Variants in STRADB observed in about 807,000 individuals in gnomAD.
The protein encoded by STRADB is STE20 related adaptor beta, also known as STE20-related kinase adapter protein beta.
A neutral mutation model predicts 52.1 loss-of-function variants in STRADB; 34 were observed. That is an observed-to-expected ratio of 0.65 (90% CI 0.50 to 0.87). The LOEUF is 0.87. Ranked by LOEUF, STRADB falls within the 40% of genes least tolerant of loss-of-function variation. The probability of loss-of-function intolerance (pLI) is 0.00; values close to 1 mark genes in which losing one functional copy is unlikely to be tolerated. For synonymous variants in STRADB, 133 were observed against 174.5 expected (o/e 0.76, Z 1.87); for missense variants, 340 against 483.9 (o/e 0.70, Z 2.79).
intron 5 of STRADB, 93 bp from the exon 6 acceptor site, chr2:201,474,554 C>A: frequency 2.1e-6 from 2 of 968,298 alleles, no homozygotes; most frequent in Non-Finnish European, 1.6e-6. Context: ...CACTAATAAG[C>A]ACCCTTGAGT....
At position 201,480,163 on chromosome 2, in the gene STRADB, C is replaced by A. The variant is rs146098224; in HGVS notation, c.1245C>A (p.Tyr415Ter). The change falls in exon 12 of 12, where the codon TAC becomes TAA. Residue 415 changes from tyrosine (Y) to a stop codon, truncating the protein, a stop_gained. Coordinates refer to ENST00000194530, the MANE Select transcript of STRADB (RefSeq NM_018571.6). LOFTEE classifies it high-confidence loss of function. ...ATTTTCCTGATGAAAAAGACTCATA[C>A]TGGGAATTCTAGGGCTGCCAAATCA... ...ECDFPDEKDS[Y>*]WEF 13 of 1,613,612 alleles carry A rather than the reference C, an allele frequency of 8.1e-6. No homozygotes were observed. The East Asian group carries it at 2.7e-4, about 33-fold the overall frequency.
At chr2:201,476,130 A>C (rs1199394544) in intron 7 of STRADB, among the ~76,000 whole-genome samples, 1 of 152,168 alleles carries the variant, frequency 6.6e-6, no homozygotes, top group African/African-American at 2.4e-5. Flanking sequence ...CTTATGCATA[A>C]ATTGGAATTA....
At chr2:201,460,685 T>G in intron 3 of STRADB, 1 of 166,778 alleles carries the variant, frequency 6.0e-6, no homozygotes, top group Non-Finnish European at 1.3e-5. Flanking sequence ...TTGTTGCAAA[T>G]GGTAGTATCT....
intron 3 of STRADB, among the ~76,000 whole-genome samples, chr2:201,464,851 G>T (rs902744327): frequency 2.0e-5 from 3 of 152,210 alleles, no homozygotes; most frequent in African/African-American, 7.2e-5. Flanking sequence ...CAGGCAGAAG[G>T]AGTCTCTCCT....
At chr2:201,472,821 T>G (rs1356209270) in intron 4 of STRADB, 134 bp from the exon 5 acceptor site, 8 of 790,526 alleles carry the variant, frequency 1.0e-5, no homozygotes, top group Non-Finnish European at 1.5e-5. Context: ...ATTAATACTT[T>G]GAATCAGTAG....
At chr2:201,458,673 C>T (rs1559462364) in intron 2 of STRADB, 111 bp from the exon 3 acceptor site, 7 of 826,850 alleles carry the variant, frequency 8.5e-6, no homozygotes, top group Non-Finnish European at 1.3e-5. Flanking sequence ...CTGCAAGTTG[C>T]CCTTCCTCTC....
At chr2:201,462,358 C>T (rs1312061378) in intron 3 of STRADB, among the ~76,000 whole-genome samples, 1 of 152,104 alleles carries the variant, frequency 6.6e-6, no homozygotes, top group Admixed American at 6.5e-5. Flanking sequence ...ATCGATTCAG[C>T]TACTCTATGT....
intron 4 of STRADB, among the ~76,000 whole-genome samples, chr2:201,471,370 T>G (rs1952385408): frequency 6.6e-6 from 1 of 152,152 alleles, no homozygotes; most frequent in Non-Finnish European, 1.5e-5. Flanking sequence ...TGGTTGGATT[T>G]AGAATGGCCT....
chr2:201,462,164 G>A (rs957845042), intron 3 of STRADB, among the ~76,000 whole-genome samples: 1 of 152,032 alleles, frequency 6.6e-6, no homozygotes, highest in Admixed American at 6.6e-5. Context: ...GACCTTCCAT[G>A]TCTCTTTTTA....
chr2:201,452,889 GT>G (rs1246801707), intron 1 of STRADB, among the ~76,000 whole-genome samples: 1 of 152,172 alleles, frequency 6.6e-6, no homozygotes, highest in African/African-American at 2.4e-5. Flanking sequence ...CGTAATTAGC[GT>G]TTTGGATACA....
At chr2:201,479,882 G>T in intron 11 of STRADB, 150 bp from the exon 12 acceptor site, 1 of 923,392 alleles carries the variant, frequency 1.1e-6, no homozygotes. Flanking sequence ...CCTGTTTTCA[G>T]ATGACCAGAA....
intron 8 of STRADB, 115 bp from the exon 9 acceptor site, chr2:201,477,972 G>T (rs111982474): frequency 8.6e-7 from 1 of 1,163,188 alleles, no homozygotes; most frequent in Admixed American, 2.3e-5. Flanking sequence ...TTGATTTGTC[G>T]CTTATGGGTT....
At chr2:201,476,500 C>T (rs114896327) in intron 7 of STRADB, among the ~76,000 whole-genome samples, 342 of 150,994 alleles carry the variant, frequency 2.3e-3, no homozygotes, top group African/African-American at 7.7e-3. Flanking sequence ...TGTTTGGTAT[C>T]GAAAAACAAG....
At chr2:201,470,221 G>T (rs1952368233) in intron 4 of STRADB, among the ~76,000 whole-genome samples, 169 bp downstream of exon 4, 1 of 152,162 alleles carries the variant, frequency 6.6e-6, no homozygotes, top group South Asian at 2.1e-4. Context: ...TTAAAATAAT[G>T]ACTCAGATTT....
intron 3 of STRADB, among the ~76,000 whole-genome samples, chr2:201,459,661 CAT>C (rs1302849969): frequency 6.6e-6 from 1 of 152,194 alleles, no homozygotes; most frequent in East Asian, 1.9e-4. Context: ...TAGACACACA[CAT>C]AGTCTTCTCC....
intron 3 of STRADB, among the ~76,000 whole-genome samples, chr2:201,465,219 AGCAT>A: frequency 6.6e-6 from 1 of 152,342 alleles, no homozygotes; most frequent in Middle Eastern, 3.4e-3. Context: ...ACCTGAAGCC[AGCAT>A]GGCCCTGAGT....
chr2:201,471,744 CT>C (rs1952392967), intron 4 of STRADB, among the ~76,000 whole-genome samples: 1 of 152,170 alleles, frequency 6.6e-6, no homozygotes, highest in Non-Finnish European at 1.5e-5. Flanking sequence ...TTACCTGTGT[CT>C]TTTTTAAAAT....
chr2:201,467,578 T>C (rs183096684), intron 3 of STRADB, among the ~76,000 whole-genome samples: 1 of 152,376 alleles, frequency 6.6e-6, no homozygotes, highest in East Asian at 1.9e-4. Context: ...GCTGAACAAT[T>C]GTTTACCCTT....
chr2:201,474,274 T>G (rs1952438602), intron 5 of STRADB, among the ~76,000 whole-genome samples: 1 of 152,206 alleles, frequency 6.6e-6, no homozygotes, highest in Non-Finnish European at 1.5e-5. Context: ...ATGTTAACAG[T>G]GGCTCTCTGT....
Sources: allele counts gnomAD v4.1 joint callset (sites outside exome capture counted in the v4.1 genomes callset), GRCh38; gene constraint gnomAD v4.1.1; transcripts MANE v1.5; gene names NCBI Gene and HGNC (gene_info 2026-07-23, HGNC 2026-07-21).